Variants in GPR158 observed in about 807,000 individuals in gnomAD.
The protein encoded by GPR158 is G protein-coupled receptor 158.
In GPR158, 30 loss-of-function variants were observed where a neutral mutation model predicts 78.2. The ratio of observed to expected loss-of-function variants is 0.38; its 90% CI spans 0.29 to 0.52. The LOEUF (loss-of-function observed/expected upper bound fraction) is 0.52, where lower values mean the gene tolerates loss of function less well. Among genes scored for constraint, GPR158 ranks in the 20% least tolerant of loss-of-function variants. GPR158 has a pLI of 0.83. For missense variants in GPR158, 1,463 were observed against 1,523.5 expected (o/e 0.96, Z 0.66); for synonymous variants, 581 against 591.1 (o/e 0.98, Z 0.25).
intron 6 of GPR158, among the ~76,000 whole-genome samples, chr10:25,552,540 G>A (rs559288009): frequency 6.6e-6 from 1 of 152,184 alleles, no homozygotes; most frequent in Non-Finnish European, 1.5e-5. Flanking sequence ...GTGCCTTATA[G>A]TTTTCTTATT....
chr10:25,232,278 A>G (rs1213062257), intron 2 of GPR158, among the ~76,000 whole-genome samples: 4 of 152,158 alleles, frequency 2.6e-5, no homozygotes, highest in Non-Finnish European at 5.9e-5. Context: ...ATAGCTTTGC[A>G]TCATTAACTT....
chr10:25,318,291 T>G (rs977870884), intron 2 of GPR158, among the ~76,000 whole-genome samples: 1 of 151,986 alleles, frequency 6.6e-6, no homozygotes, highest in Non-Finnish European at 1.5e-5. Context: ...AACAGTTGCC[T>G]CTCTCTCACT....
At chr10:25,574,885 A>T (rs532547722) in intron 7 of GPR158, among the ~76,000 whole-genome samples, 2 of 152,188 alleles carry the variant, frequency 1.3e-5, no homozygotes, top group South Asian at 4.2e-4. Flanking sequence ...ACTTTGTCTC[A>T]AAGAAATAAA....
At chr10:25,340,205 A>G (rs1266366365) in intron 2 of GPR158, among the ~76,000 whole-genome samples, 1 of 152,026 alleles carries the variant, frequency 6.6e-6, no homozygotes, top group Non-Finnish European at 1.5e-5. Flanking sequence ...TGCTCTCCAA[A>G]GCCTTTAAAC....
intron 2 of GPR158, among the ~76,000 whole-genome samples, chr10:25,295,571 G>A (rs1440493383): frequency 2.0e-5 from 3 of 151,944 alleles, no homozygotes; most frequent in Non-Finnish European, 4.4e-5. Context: ...CCGCCACTAC[G>A]CCCGGCTAAT....
chr10:25,237,798 A>AGATTATGT (rs1046035778), intron 2 of GPR158, among the ~76,000 whole-genome samples: 93 of 152,360 alleles, frequency 6.1e-4, no homozygotes, highest in African/African-American at 2.2e-3. Flanking sequence ...ATTAAAAATT[A>AGATTATGT]GATTATGTTC....
intron 2 of GPR158, among the ~76,000 whole-genome samples, chr10:25,324,702 G>A (rs529398955): frequency 6.6e-6 from 1 of 152,106 alleles, no homozygotes; most frequent in Non-Finnish European, 1.5e-5. Context: ...TGCAGTATCT[G>A]TGAAGCACAA....
intron 2 of GPR158, among the ~76,000 whole-genome samples, chr10:25,279,904 T>A (rs1854243179): frequency 6.6e-6 from 1 of 151,696 alleles, no homozygotes; most frequent in African/African-American, 2.4e-5. Context: ...CACTGGGCTG[T>A]ACCACTAGCG....
intron 2 of GPR158, among the ~76,000 whole-genome samples, chr10:25,228,783 G>A (rs1853408334): frequency 6.6e-6 from 1 of 152,154 alleles, no homozygotes; most frequent in Admixed American, 6.5e-5. Context: ...TGTAATCCCA[G>A]CACTTTGGGA....
rs899386631 is a variant in GPR158, at chr10:25,252,083, C to G, written c.1008+30926C>G. On this transcript the variant is annotated intron_variant, in intron 2 of 10. Coordinates refer to ENST00000376351, the MANE Select transcript of GPR158 (RefSeq NM_020752.3). ...TTCATTTCATCTTCCATTGCTGACA[C>G]CCTTTCTTCCAGTTGATCGCATCAG... is the stretch of plus-strand genomic sequence containing the variant. Among the ~76,000 whole-genome samples the G allele has an allele frequency of 3.5e-3, 537 of 152,242 alleles. 2 individuals carry two copies. The highest frequency in any genetic ancestry group is 0.013 in the African/African-American group (523 of 41,532).
In GPR158 at chr10:25,600,007, C is replaced by CTT. The variant is rs1016764207; in HGVS notation, c.*736_*737dup. The stretch of plus-strand genomic sequence containing the variant: ...GAAGCCATAACTGTTACTATAAAAA[C>CTT]TTTTAGTTTTGGCTGTGGTTTATAT... On this transcript the variant is annotated 3_prime_UTR_variant, in exon 11 of 11. Coordinates refer to ENST00000376351, the MANE Select transcript of GPR158 (RefSeq NM_020752.3). 8.5e-5 allele frequency: 13 copies of CTT among 152,740 alleles called. No individual in the cohort carries two copies. The highest frequency in any genetic ancestry group is 3.1e-4 in the African/African-American group (13 of 41,572). The allele number at this position is 152,740 out of a possible 1,614,324, so 9.5% of individuals were successfully genotyped here. A position where few individuals can be genotyped will look rare whatever the true frequency, so the allele number is the denominator to read the frequency against.
At chr10:25,590,029 T>G (rs1165539087) in intron 8 of GPR158, among the ~76,000 whole-genome samples, 1 of 152,002 alleles carries the variant, frequency 6.6e-6, no homozygotes, top group Non-Finnish European at 1.5e-5. Context: ...TAGTTTCAAT[T>G]CCTTTTTTGG....
At chr10:25,525,124 G>A (rs1229081036) in intron 5 of GPR158, among the ~76,000 whole-genome samples, 1 of 152,118 alleles carries the variant, frequency 6.6e-6, no homozygotes, top group Admixed American at 6.6e-5. Context: ...AAAAAAGATA[G>A]GCAATGAGTG....
intron 3 of GPR158, among the ~76,000 whole-genome samples, chr10:25,407,836 T>G (rs929215294): frequency 2.6e-4 from 40 of 152,196 alleles, no homozygotes; most frequent in African/African-American, 9.7e-4. Context: ...GCTCTTTCCC[T>G]TGTCCTCTAT....
chr10:25,185,340 C>A (rs1356164196), intron 1 of GPR158, among the ~76,000 whole-genome samples: 1 of 151,942 alleles, frequency 6.6e-6, no homozygotes, highest in African/African-American at 2.4e-5. Context: ...ATATATAGAA[C>A]CTGACACAAG....
At chr10:25,361,020 C>A (rs1855631387) in intron 2 of GPR158, among the ~76,000 whole-genome samples, 2 of 151,758 alleles carry the variant, frequency 1.3e-5, no homozygotes, top group African/African-American at 4.8e-5. Context: ...TGTTGTGAAA[C>A]AGATCTTCAG....
chr10:25,203,029 G>T (rs1229816852), intron 1 of GPR158, among the ~76,000 whole-genome samples: 1 of 152,138 alleles, frequency 6.6e-6, no homozygotes. Flanking sequence ...TTTTTCATGT[G>T]TCTGTTGACT....
At chr10:25,224,596 A>C (rs1853348119) in intron 2 of GPR158, among the ~76,000 whole-genome samples, 1 of 151,996 alleles carries the variant, frequency 6.6e-6, no homozygotes, top group Non-Finnish European at 1.5e-5. Context: ...AATTTTTGAA[A>C]ATCTTAGTTT....
intron 2 of GPR158, among the ~76,000 whole-genome samples, chr10:25,390,624 A>G (rs1834281954): frequency 6.6e-6 from 1 of 152,226 alleles, no homozygotes; most frequent in Non-Finnish European, 1.5e-5. Flanking sequence ...AAAAGCATTT[A>G]GTTTTATTCA....
Sources: allele counts gnomAD v4.1 joint callset (sites outside exome capture counted in the v4.1 genomes callset), GRCh38; gene constraint gnomAD v4.1.1; transcripts MANE v1.5; gene names NCBI Gene and HGNC (gene_info 2026-07-23, HGNC 2026-07-21).